RNF130: variants seen among roughly 807,000 people sequenced by gnomAD.
RNF130 encodes E3 ubiquitin-protein ligase RNF130.
A neutral mutation model predicts 44.6 loss-of-function variants in RNF130; 21 were observed. The observed-to-expected ratio is 0.47, with a 90% confidence interval of 0.33 to 0.68. The LOEUF is 0.68. Ranked by LOEUF, RNF130 falls within the 30% of genes least tolerant of loss-of-function variation. The pLI is 0.02. For synonymous variants in RNF130, 214 were observed against 210.4 expected, an observed-to-expected ratio of 1.02 and a Z score of -0.15; for missense variants, 479 against 560.6, an observed-to-expected ratio of 0.85 and a Z score of 1.47.
At chr5:179,957,869 A>G (rs1202262881) in intron 8 of RNF130, among the ~76,000 whole-genome samples, 1 of 136,462 alleles carries the variant, frequency 7.3e-6, no homozygotes, top group Non-Finnish European at 1.5e-5. Context: ...TGAGAACTAA[A>G]AATTCAAAAT....
intron 7 of RNF130, among the ~76,000 whole-genome samples, chr5:179,928,685 G>A (rs1002855059): frequency 1.3e-5 from 2 of 150,388 alleles, no homozygotes; most frequent in Non-Finnish European, 2.9e-5. Context: ...CTGGAGTGCA[G>A]TGGTGCGATC....
chr5:180,024,347 T>G (rs1465645280), intron 2 of RNF130, among the ~76,000 whole-genome samples: 1 of 152,236 alleles, frequency 6.6e-6, no homozygotes, highest in Non-Finnish European at 1.5e-5. Flanking sequence ...CAAATTAACA[T>G]GTCACATGGT....
chr5:180,026,115 T>C (rs1178634991), intron 2 of RNF130, among the ~76,000 whole-genome samples: 3 of 141,112 alleles, frequency 2.1e-5, no homozygotes, highest in Non-Finnish European at 4.5e-5. Context: ...TGTTCAACCA[T>C]CCAAAAAAAA....
intron 7 of RNF130, among the ~76,000 whole-genome samples, chr5:179,935,531 T>TGC (rs1182086082): frequency 6.6e-6 from 1 of 152,018 alleles, no homozygotes; most frequent in Non-Finnish European, 1.5e-5. Context: ...TGTGTGTGTG[T>TGC]GTATACATTT....
intron 1 of RNF130, 50 bp from the exon 2 acceptor site, chr5:180,040,697 G>T: frequency 6.5e-7 from 1 of 1,527,532 alleles, no homozygotes; most frequent in Non-Finnish European, 8.9e-7. Context: ...AACTGACCAA[G>T]TCTTTATCAA....
chr5:179,971,553 T>C (rs947686135), intron 5 of RNF130, among the ~76,000 whole-genome samples: 1 of 152,144 alleles, frequency 6.6e-6, no homozygotes, highest in Non-Finnish European at 1.5e-5. Flanking sequence ...GTATTTTTAG[T>C]AGAGACGGGG....
chr5:180,007,832 G>C (rs1763497264), intron 3 of RNF130, among the ~76,000 whole-genome samples: 2 of 152,098 alleles, frequency 1.3e-5, no homozygotes, highest in Admixed American at 1.3e-4. Flanking sequence ...CAGGCTCCTG[G>C]GACAACCGTG....
chr5:179,995,620 C>G (rs1477376044), intron 3 of RNF130, among the ~76,000 whole-genome samples: 2 of 152,208 alleles, frequency 1.3e-5, no homozygotes, highest in Non-Finnish European at 2.9e-5. Flanking sequence ...CCAGGTTGTT[C>G]CTTCTCAATG....
intron 7 of RNF130, chr5:179,934,112 G>A (rs1325521356): frequency 7.8e-6 from 2 of 255,538 alleles, no homozygotes; most frequent in East Asian, 1.1e-4. Context: ...TTGAAGCACG[G>A]CCTAATAAGA....
At chr5:180,042,889 C>T (rs886246112) in intron 1 of RNF130, among the ~76,000 whole-genome samples, 1 of 152,204 alleles carries the variant, frequency 6.6e-6, no homozygotes, top group African/African-American at 2.4e-5. Flanking sequence ...GACTGTGCTC[C>T]AAGGTCTAGA....
At chr5:179,980,314 T>A in intron 3 of RNF130, 114 bp from the exon 4 acceptor site, 1 of 877,480 alleles carries the variant, frequency 1.1e-6, no homozygotes, top group Middle Eastern at 2.5e-4. Context: ...CCTCTCCATG[T>A]CCTACATATA....
chr5:180,030,944 C>T (rs979134017), intron 2 of RNF130, among the ~76,000 whole-genome samples: 2 of 152,122 alleles, frequency 1.3e-5, no homozygotes, highest in Admixed American at 1.3e-4. Flanking sequence ...CTTGGCCATC[C>T]CTGAAATAAC....
At position 179,970,437 on chromosome 5, in the gene RNF130, A is replaced by C; in HGVS notation, c.918T>G (p.Leu306=). 6.2e-7 allele frequency: 1 copy of C among 1,613,254 alleles called. No homozygotes were observed. The highest frequency in any genetic ancestry group is 8.5e-7 in the Non-Finnish European group (1 of 1,179,606). Residue 306 remains leucine, a synonymous_variant, in exon 6 of 9, where the codon CTT becomes CTG. Transcript: ENST00000521389. ...SEHCTCPMCK[L]NILKALGIVP... is the part of the protein sequence containing the mutation. ...CAATTCCCAGGGCCTTCAATATATT[A>C]AGTTTGCACATAGGACAGGTACAAT...
At chr5:180,027,785 A>G (rs1226925200) in intron 2 of RNF130, among the ~76,000 whole-genome samples, 1 of 152,080 alleles carries the variant, frequency 6.6e-6, no homozygotes, top group Non-Finnish European at 1.5e-5. Context: ...CCAGGTCCCA[A>G]TCAGATGGCA....
rs1269545073 is a variant in RNF130, at chr5:179,955,566, T to C, written c.*88A>G. On this transcript the variant is annotated 3_prime_UTR_variant, in exon 9 of 9. Transcript: ENST00000521389. ...AATAAAATGTACTAAAAATAAATGC[T>C]TGTGTGGCATGATTGGTAAATGATG... 1 of 1,077,294 alleles carries C rather than the reference T, an allele frequency of 9.3e-7. No homozygotes were observed. Among genetic ancestry groups the C allele is most frequent in the Non-Finnish European group, 1.4e-6 (1 of 734,396 alleles). The allele number at this position is 1,077,294 out of a possible 1,614,324, so 66.7% of individuals were successfully genotyped here.
intron 2 of RNF130, among the ~76,000 whole-genome samples, chr5:180,027,782 C>T (rs1309633409): frequency 6.6e-6 from 1 of 152,302 alleles, no homozygotes; most frequent in East Asian, 1.9e-4. Context: ...TTTCCAGGTC[C>T]CAATCAGATG....
chr5:179,966,757 C>T (rs1279036618), intron 7 of RNF130, 49 bp downstream of exon 7: 2 of 1,550,438 alleles, frequency 1.3e-6, no homozygotes, highest in Admixed American at 3.7e-5. Context: ...TCCCGAATGC[C>T]CACATAGGCA....
intron 3 of RNF130, among the ~76,000 whole-genome samples, chr5:180,004,751 A>T (rs1763424848): frequency 6.6e-6 from 1 of 152,252 alleles, no homozygotes; most frequent in Non-Finnish European, 1.5e-5. Context: ...GATGAAATTC[A>T]TCTCAGGTTT....
intron 8 of RNF130, among the ~76,000 whole-genome samples, chr5:179,955,889 A>T (rs905504618): frequency 2.6e-5 from 4 of 152,204 alleles, no homozygotes; most frequent in African/African-American, 9.7e-5. Context: ...AATACTCCCA[A>T]AAGGATGAAG....
Sources: allele counts gnomAD v4.1 joint callset (sites outside exome capture counted in the v4.1 genomes callset), GRCh38; gene constraint gnomAD v4.1.1; transcripts MANE v1.5; gene names NCBI Gene and HGNC (gene_info 2026-07-23, HGNC 2026-07-21).